The following LOC400499 variants were observed in gnomAD, a reference collection of about 807,000 sequenced individuals.
chr16:11,462,503 C>G, the LOC400499 span: 53 of 892,104 alleles, frequency 5.9e-5, no homozygotes, highest in Non-Finnish European at 6.8e-5. Flanking sequence ...AATCCTGGCT[C>G]GCTGCAACCT....
the LOC400499 span, chr16:11,404,885 G>A: frequency 3.3e-5 from 13 of 398,776 alleles, no homozygotes; most frequent in East Asian, 1.8e-4. Flanking sequence ...GAATGACGGC[G>A]TCATGGGGGA....
the LOC400499 span, among the ~76,000 whole-genome samples, chr16:11,456,034 G>A: frequency 1.4e-5 from 2 of 142,112 alleles, no homozygotes; most frequent in South Asian, 2.2e-4. Flanking sequence ...AAAAAAATTC[G>A]TGGATAAAAT....
the LOC400499 span, chr16:11,414,654 T>C: frequency 2.5e-6 from 1 of 398,096 alleles, no homozygotes; most frequent in Non-Finnish European, 4.4e-6. Flanking sequence ...ACAGCGTGGG[T>C]GCTGGGTGGG....
the LOC400499 span, chr16:11,424,488 C>G: frequency 2.5e-6 from 1 of 397,866 alleles, no homozygotes; most frequent in Admixed American, 4.4e-5. Flanking sequence ...CCCCATAGCT[C>G]CAGGTCCTAC....
At chr16:11,498,084 G>T in the LOC400499 span, among the ~76,000 whole-genome samples, 5 of 152,274 alleles carry the variant, frequency 3.3e-5, no homozygotes, top group South Asian at 1.0e-3. Flanking sequence ...ACTGGGAGAA[G>T]ACAAGCCAGG....
chr16:11,493,250 T>C, the LOC400499 span, among the ~76,000 whole-genome samples: 1 of 152,172 alleles, frequency 6.6e-6, no homozygotes, highest in Non-Finnish European at 1.5e-5. Context: ...GGCCATGCGG[T>C]CTCTTGCAAT....
At chr16:11,406,234 A>C in the LOC400499 span, among the ~76,000 whole-genome samples, 6 of 152,192 alleles carry the variant, frequency 3.9e-5, 1 homozygote, top group African/African-American at 1.4e-4. Context: ...TGTGTATTCA[A>C]TGTTTAGCTC....
chr16:11,473,984 G>C, the LOC400499 span, among the ~76,000 whole-genome samples: 127 of 152,274 alleles, frequency 8.3e-4, no homozygotes, highest in African/African-American at 2.9e-3. Context: ...CTTCCAAGTA[G>C]CTAGGACCAC....
At chr16:11,385,068 GTGGGCCAGAGGGGGC>G in the LOC400499 span, 1 of 1,231,854 alleles carries the variant, frequency 8.1e-7, no homozygotes, top group South Asian at 4.1e-5. Flanking sequence ...CTGTAGGCCT[GTGGGCCAGAGGGGGC>G]TGGGCAGGAG....
chr16:11,406,203 C>T, the LOC400499 span, among the ~76,000 whole-genome samples: 1 of 152,172 alleles, frequency 6.6e-6, no homozygotes, highest in African/African-American at 2.4e-5. Context: ...TCAGTGTTTA[C>T]TGTTTCCATC....
At chr16:11,468,399 G>C in the LOC400499 span, among the ~76,000 whole-genome samples, 284 of 151,788 alleles carry the variant, frequency 1.9e-3, 4 homozygotes, top group African/African-American at 6.7e-3. Context: ...GCATGGCTCA[G>C]TGCAGCCTTG....
At chr16:11,514,382 A>T in the LOC400499 span, 1 of 399,132 alleles carries the variant, frequency 2.5e-6, no homozygotes, top group Admixed American at 4.4e-5. Flanking sequence ...ATCTTGGGGC[A>T]TCTCGTGCAG....
chr16:11,394,328 C>A, the LOC400499 span, among the ~76,000 whole-genome samples: 1 of 152,154 alleles, frequency 6.6e-6, no homozygotes, highest in East Asian at 1.9e-4. Context: ...CAAGAGAACA[C>A]AAGCCCGGAG....
chr16:11,466,852 T>C, the LOC400499 span, among the ~76,000 whole-genome samples: 129 of 152,224 alleles, frequency 8.5e-4, 1 homozygote, highest in Non-Finnish European at 1.5e-3. Context: ...AAATCTACAA[T>C]AGAATTTAAA....
chr16:11,502,305 C>G, the LOC400499 span: 3 of 395,966 alleles, frequency 7.6e-6, no homozygotes, highest in Non-Finnish European at 1.3e-5. Context: ...CACCTTCTCC[C>G]AGGATGTGCT....
the LOC400499 span, among the ~76,000 whole-genome samples, chr16:11,500,511 A>AAATAATAATAAGAATAAT: frequency 7.0e-6 from 1 of 143,882 alleles, no homozygotes; most frequent in African/African-American, 2.6e-5. Context: ...ACTCCGTCCT[A>AAATAATAATAAGAATAAT]AATAATAATA....
At chr16:11,385,329 A>G in the LOC400499 span, 20 of 1,232,320 alleles carry the variant, frequency 1.6e-5, no homozygotes, top group Middle Eastern at 6.2e-4. Flanking sequence ...GTCCTGGGCC[A>G]GGAGGATGCT....
At chr16:11,391,274 G>C in the LOC400499 span, among the ~76,000 whole-genome samples, 2 of 152,228 alleles carry the variant, frequency 1.3e-5, no homozygotes, top group African/African-American at 4.8e-5. Context: ...GCTGGTTGGG[G>C]CAGCAGGTGT....
At chr16:11,383,179 C>T in the LOC400499 span, among the ~76,000 whole-genome samples, 1 of 152,048 alleles carries the variant, frequency 6.6e-6, no homozygotes, top group Non-Finnish European at 1.5e-5. Flanking sequence ...CATTCTCCTG[C>T]CTCAGCCTCC....
Sources: gnomAD v4.1 joint callset for allele counts (sites outside exome capture counted in the v4.1 genomes callset) on GRCh38, gnomAD v4.1.1 for gene constraint, MANE v1.5 for transcripts.